Variants in STRADA observed in about 807,000 individuals in gnomAD.
STRADA encodes STE20 related adaptor alpha, also known as STE20-related kinase adapter protein alpha.
Under a neutral mutation model 55.0 loss-of-function variants are expected in STRADA, and 26 were observed. That is an observed-to-expected ratio of 0.47 (90% confidence interval 0.35 to 0.66). The LOEUF (loss-of-function observed/expected upper bound fraction) is 0.66, where lower values mean the gene tolerates loss of function less well. Ranked by LOEUF, STRADA falls within the 30% of genes least tolerant of loss-of-function variation. STRADA has a pLI of 0.01. For missense variants in STRADA, 443 were observed against 549.7 expected (o/e 0.81, Z 1.94); for synonymous variants, 197 against 210.9 (o/e 0.93, Z 0.57).
At chr17:63,737,996 A>G (rs1197146155) in intron 1 of STRADA, among the ~76,000 whole-genome samples, 1 of 151,756 alleles carries the variant, frequency 6.6e-6, no homozygotes, top group Admixed American at 6.6e-5. Flanking sequence ...AAAAGAAAAG[A>G]AAAGAGAAGA....
chr17:63,714,739 G>C (rs1056545671), intron 4 of STRADA, among the ~76,000 whole-genome samples: 1 of 152,168 alleles, frequency 6.6e-6, no homozygotes, highest in Admixed American at 6.5e-5. Context: ...CTGCTCCCTC[G>C]TTCCTGCCCA....
Position 63,707,265 on chromosome 17 carries a change from G to C in STRADA, c.735C>G (p.Ser245Arg). 2 of 1,614,182 alleles carry C rather than the reference G, an allele frequency of 1.2e-6. No homozygotes were observed. Among genetic ancestry groups the C allele is most frequent in the African/African-American group, 1.3e-5 (1 of 75,058 alleles). ...KYSVKVLPWL[S>R]PEVLQQNLQG... The stretch of plus-strand genomic sequence containing the variant: ...CACAGACCTGCTGGAGGACCTCGGG[G>C]CTGAGCCACGGCAGAACCTTGACAC... The change falls in exon 9 of 13, where the codon AGC (serine) becomes AGG (arginine). Residue 245 changes from serine to arginine, a missense_variant. Coordinates refer to ENST00000336174, the MANE Select transcript of STRADA (RefSeq NM_001003787.4).
chr17:63,706,686 G>T lies in STRADA; in HGVS notation c.807C>A (p.Ala269=). The stretch of plus-strand genomic sequence containing the variant: ...GGACATGGCCGTTGGCCAGTTCACA[G>T]GCTGTGATTCCCACACTGTAGATGT... ...KSDIYSVGIT[A]CELANGHVPF... is the part of the protein sequence containing the mutation. Residue 269 remains alanine, a synonymous_variant, in exon 10 of 13, where the codon GCC becomes GCA. Coordinates refer to ENST00000336174, the MANE Select transcript of STRADA (RefSeq NM_001003787.4). 1.2e-6 allele frequency: 2 copies of T among 1,614,138 alleles called. No individual in the cohort carries two copies. Among genetic ancestry groups the T allele is most frequent in the Non-Finnish European group, 1.7e-6 (2 of 1,179,964 alleles).
At chr17:63,728,655 T>C (rs2037812416) in intron 1 of STRADA, among the ~76,000 whole-genome samples, 1 of 150,910 alleles carries the variant, frequency 6.6e-6, no homozygotes, top group Non-Finnish European at 1.5e-5. Context: ...TCCCAGCACT[T>C]TGGGAGGCCG....
rs576205862 is a variant in STRADA, at chr17:63,731,821, T to G, written c.-44-3408A>C. Among the ~76,000 whole-genome samples, 6 of 152,228 alleles carry G rather than the reference T, an allele frequency of 3.9e-5. No homozygotes were observed. The East Asian group carries it at 1.2e-3, about 29-fold the overall frequency. ...TTATCTGCAAAAAAAGTTTCTATGG[T>G]CTGGAAAAATTTTGGAATTTAAAAA... On this transcript the variant is annotated intron_variant, in intron 1 of 12. Coordinates refer to ENST00000336174, the MANE Select transcript of STRADA (RefSeq NM_001003787.4).
intron 1 of STRADA, among the ~76,000 whole-genome samples, chr17:63,739,107 C>T (rs2038670716): frequency 7.5e-6 from 1 of 133,336 alleles, no homozygotes; most frequent in Non-Finnish European, 1.5e-5. Context: ...TGCCACTGCA[C>T]TCCAGCCTGG....
intron 4 of STRADA, among the ~76,000 whole-genome samples, chr17:63,716,170 A>AATG (rs1274532577): frequency 6.6e-6 from 1 of 150,432 alleles, no homozygotes; most frequent in East Asian, 2.0e-4. Flanking sequence ...ATCTTGGCTC[A>AATG]ATGCAAGCTC....
At chr17:63,705,299 C>T (rs534344710) in intron 10 of STRADA, 15 of 275,730 alleles carry the variant, frequency 5.4e-5, no homozygotes, top group South Asian at 3.6e-4. Context: ...TCTAAATGCT[C>T]GACAGCCACA....
chr17:63,707,349 G>C lies in STRADA; in HGVS notation c.651C>G (p.Asn217Lys). The C allele has an allele frequency of 1.9e-6, 3 of 1,614,150 alleles. No individual in the cohort carries two copies. In the South Asian group the frequency reaches 3.3e-5, roughly 18 times the overall value. Residue 217 changes from asparagine (N) to lysine (K), a missense_variant, in exon 9 of 13, where the codon AAC becomes AAG. Asn to Lys is a moderately conservative substitution (Grantham distance 94). Coordinates refer to ENST00000336174, the MANE Select transcript of STRADA (RefSeq NM_001003787.4). ...GKVYLSGLRS[N>K]LSMISHGQRQ... ...GCTGCCCATGGCTTATCATGCTGAG[G>C]TTGCTGCGCAAACCAGACAGGTAGA...
chr17:63,739,075 C>G (rs2038667139), intron 1 of STRADA, among the ~76,000 whole-genome samples: 1 of 138,746 alleles, frequency 7.2e-6, no homozygotes, highest in African/African-American at 2.8e-5. Context: ...ATGGCGTGAA[C>G]CTGGGAGGCG....
intron 1 of STRADA, among the ~76,000 whole-genome samples, chr17:63,739,732 T>G (rs2038726500): frequency 6.9e-6 from 1 of 144,686 alleles, no homozygotes; most frequent in Non-Finnish European, 1.5e-5. Context: ...GTGTATATAT[T>G]ATGTATACAT....
At position 63,717,534 on chromosome 17, in the gene STRADA, G is replaced by A. The variant is rs569345560; in HGVS notation, c.124-3426C>T. Among the ~76,000 whole-genome samples the A allele has an allele frequency of 1.1e-4, 16 of 152,082 alleles. No individual in the cohort carries two copies. In the South Asian group the frequency reaches 3.3e-3, roughly 32 times the overall value. On this transcript the variant is annotated intron_variant, in intron 4 of 12. Transcript: ENST00000336174. ...CTCACTCTGTTGCCCAGGCTGGAGT[G>A]CAGTAGTGCGATCTCAGCTTACTGC...
chr17:63,732,256 C>T (rs948526250), intron 1 of STRADA, among the ~76,000 whole-genome samples: 2 of 152,142 alleles, frequency 1.3e-5, no homozygotes, highest in African/African-American at 4.8e-5. Context: ...CCACCCGCCT[C>T]GGCCTCCCAA....
chr17:63,719,944 A>G (rs1316165170), intron 4 of STRADA, among the ~76,000 whole-genome samples: 1 of 152,166 alleles, frequency 6.6e-6, no homozygotes, highest in Non-Finnish European at 1.5e-5. Flanking sequence ...TAACTTGACA[A>G]TATTTATTTC....
intron 1 of STRADA, among the ~76,000 whole-genome samples, chr17:63,729,993 A>G (rs891414165): frequency 1.3e-5 from 2 of 151,716 alleles, no homozygotes; most frequent in African/African-American, 4.8e-5. Context: ...GCCTGCCACC[A>G]TGCCTGGCTA....
intron 2 of STRADA, chr17:63,728,011 G>GC (rs1410522581): frequency 4.5e-6 from 1 of 223,054 alleles, no homozygotes; most frequent in East Asian, 9.1e-5. Context: ...CAACCTCACG[G>GC]GGGGTCATAA....
intron 6 of STRADA, among the ~76,000 whole-genome samples, chr17:63,711,720 G>A (rs1277172017): frequency 6.6e-6 from 1 of 151,994 alleles, no homozygotes; most frequent in Non-Finnish European, 1.5e-5. Context: ...GATCACTTGA[G>A]CCCAAGAGTT....
At position 63,728,432 on chromosome 17, in the gene STRADA, C is replaced by G; in HGVS notation, c.-44-19G>C. ...CTTAAACCTAAAAGGAAAATAGAAA[C>G]AGGTTGAGTTAGCAAAAATCTCCTT... On this transcript the variant is annotated intron_variant, in intron 1 of 12. Transcript: ENST00000336174. The G allele has an allele frequency of 6.8e-7, 1 of 1,460,402 alleles. No individual in the cohort carries two copies. Among genetic ancestry groups the G allele is most frequent in the Non-Finnish European group, 9.4e-7 (1 of 1,067,150 alleles). 90.5% of individuals were successfully genotyped at this position (1,460,402 alleles called of 1,614,324 possible).
At chr17:63,740,898 A>G (rs2038891864) in intron 1 of STRADA, among the ~76,000 whole-genome samples, 1 of 152,190 alleles carries the variant, frequency 6.6e-6, no homozygotes, top group Non-Finnish European at 1.5e-5. Context: ...TTGGCAGGTG[A>G]TCAAATTTGG....
Sources: allele counts gnomAD v4.1 joint callset (sites outside exome capture counted in the v4.1 genomes callset), GRCh38; gene constraint gnomAD v4.1.1; transcripts MANE v1.5; gene names NCBI Gene and HGNC (gene_info 2026-07-23, HGNC 2026-07-21).